PCLO: variants seen among roughly 807,000 people sequenced by gnomAD.
The protein encoded by PCLO is piccolo presynaptic cytomatrix protein.
A neutral mutation model predicts 427.5 loss-of-function variants in PCLO; 82 were observed. That is an observed-to-expected ratio of 0.19 (90% confidence interval 0.16 to 0.23). The LOEUF (loss-of-function observed/expected upper bound fraction) is 0.23. PCLO is among the 10% of genes least tolerant of loss of function. PCLO has a pLI of 1.00. For missense variants in PCLO, 6,239 were observed against 6,115.9 expected (o/e 1.02, Z -0.67); for synonymous variants, 2,357 against 2,155.4 (o/e 1.09, Z -2.59).
intron 12 of PCLO, 80 bp downstream of exon 12, chr7:82,846,487 T>C: frequency 1.2e-6 from 1 of 842,576 alleles, no homozygotes; most frequent in Non-Finnish European, 1.9e-6. Flanking sequence ...TACATCTTCA[T>C]CTACAATTAC....
intron 3 of PCLO, among the ~76,000 whole-genome samples, chr7:82,997,941 C>T (rs1257464128): frequency 3.3e-5 from 5 of 152,098 alleles, no homozygotes; most frequent in African/African-American, 1.2e-4. Context: ...GCGTGGAAGT[C>T]ACTACTTCAT....
intron 3 of PCLO, among the ~76,000 whole-genome samples, chr7:83,076,680 T>C (rs182237145): frequency 6.6e-6 from 1 of 151,180 alleles, no homozygotes; most frequent in Admixed American, 6.6e-5. Flanking sequence ...AGGGTACATG[T>C]GCACAATGTG....
In PCLO at chr7:83,162,854, T is replaced by G. The variant is rs1259111012; in HGVS notation, c.-262A>C. The G allele has an allele frequency of 2.0e-6, 1 of 508,612 alleles. No individual in the cohort carries two copies. The highest frequency in any genetic ancestry group is 2.7e-5 in the South Asian group (1 of 37,234). The allele number at this position is 508,612 out of a possible 1,614,324, so 31.5% of individuals were successfully genotyped here. On this transcript the variant is annotated 5_prime_UTR_variant, in exon 1 of 25. Coordinates refer to ENST00000333891, the MANE Select transcript of PCLO (RefSeq NM_033026.6). ...CAGAAGACACCTCCCGGACGCCGCC[T>G]CGGCGCCCCGAGCCGGGGAGAAGCA...
intron 3 of PCLO, among the ~76,000 whole-genome samples, chr7:83,003,564 T>C (rs561277580): frequency 3.9e-5 from 6 of 152,012 alleles, no homozygotes; most frequent in East Asian, 1.9e-4. Flanking sequence ...TGAAAGAATG[T>C]TGAATTTTAT....
intron 22 of PCLO, among the ~76,000 whole-genome samples, chr7:82,769,165 A>C (rs745694913): frequency 9.9e-5 from 15 of 152,208 alleles, no homozygotes; most frequent in Non-Finnish European, 2.1e-4. Flanking sequence ...TTTGTAACAC[A>C]GTATCAGAAT....
At chr7:82,951,723 T>G in intron 5 of PCLO, 133 bp downstream of exon 5, 2 of 1,339,842 alleles carry the variant, frequency 1.5e-6, no homozygotes, top group Non-Finnish European at 2.0e-6. Context: ...TACTCCAAAA[T>G]ATGCTGCTAT....
intron 9 of PCLO, among the ~76,000 whole-genome samples, chr7:82,898,478 A>T (rs1417386183): frequency 2.0e-5 from 3 of 151,436 alleles, no homozygotes; most frequent in Non-Finnish European, 4.4e-5. Flanking sequence ...TAAACTATTT[A>T]TAAAGTTAGA....
intron 3 of PCLO, among the ~76,000 whole-genome samples, chr7:83,093,492 A>ATATATATATTTTTTTTT: frequency 6.7e-5 from 4 of 59,312 alleles, no homozygotes; most frequent in African/African-American, 2.2e-4. Context: ...ATATATATAT[A>ATATATATATTTTTTTTT]TTTTTTTTTT....
intron 22 of PCLO, among the ~76,000 whole-genome samples, chr7:82,769,659 G>A (rs754478228): frequency 2.0e-5 from 3 of 152,072 alleles, no homozygotes; most frequent in Non-Finnish European, 2.9e-5. Context: ...CCTTGTAAAC[G>A]AAAAGTCTGC....
rs1163447159 is a variant in PCLO, at chr7:82,908,913, C to G, written c.13401G>C (p.Leu4467Phe). ...HGLDRKLPER[L>F]VHSRPLSQHQ... ...GTTGACTGAGTGGTCTAGAGTGGAC[C>G]AATCTTTCCGGCAGTTTTCGGTCCA... The change falls in exon 8 of 25, where the codon TTG (leucine) becomes TTC (phenylalanine). Residue 4467 changes from leucine (L) to phenylalanine (F), a missense_variant. Around this residue, in one of 5 missense-constraint regions of PCLO, gnomAD observed 877 missense variants for 925.5 expected, o/e 0.95. Transcript: ENST00000333891. The G allele has an allele frequency of 1.2e-6, 2 of 1,612,850 alleles. No homozygotes were observed. The highest frequency in any genetic ancestry group is 3.3e-5 in the Admixed American group (2 of 59,930).
chr7:83,155,883 C>G lies in PCLO; in HGVS notation c.758G>C (p.Gly253Ala), dbSNP rs192089664. Residue 253 changes from glycine (G) to alanine (A), a missense_variant, in exon 2 of 25, where the codon GGT becomes GCT. Physicochemically the swap from Gly to Ala is moderately conservative, Grantham distance 60. Around this residue, in one of 5 missense-constraint regions of PCLO, gnomAD observed 4,677 missense variants for 4,468.4 expected, o/e 1.05. Transcript: ENST00000333891. ...QPEKIKSQPP[G>A]TGKPIQGPTQ... ...AGGACCCTGAATTGGCTTTCCTGTA[C>G]CTGGAGGTTGTGATTTAATTTTTTC... 24 of 1,613,806 alleles carry G rather than the reference C, an allele frequency of 1.5e-5. No homozygotes were observed. Among genetic ancestry groups the G allele is most frequent in the Admixed American group, 1.0e-4 (6 of 59,998 alleles).
chr7:82,852,965 C>T (rs2715161), intron 10 of PCLO, among the ~76,000 whole-genome samples: 85,822 of 151,806 alleles, frequency 0.57, 25,221 homozygotes, highest in East Asian at 0.85. Context: ...AGTGAGAACA[C>T]GCAATATTTT....
chr7:82,772,393 G>T (rs1254639674), intron 22 of PCLO, among the ~76,000 whole-genome samples: 3 of 151,992 alleles, frequency 2.0e-5, no homozygotes, highest in Non-Finnish European at 4.4e-5. Context: ...ATTATTGAAA[G>T]CTATGGGGTG....
chr7:82,882,619 T>C (rs1192185978), intron 9 of PCLO, among the ~76,000 whole-genome samples: 1 of 152,120 alleles, frequency 6.6e-6, no homozygotes, highest in Admixed American at 6.5e-5. Flanking sequence ...TAGAGAAGTT[T>C]AAAATTTAGA....
chr7:83,005,505 T>C (rs1448197831), intron 3 of PCLO, among the ~76,000 whole-genome samples: 1 of 151,568 alleles, frequency 6.6e-6, no homozygotes, highest in Non-Finnish European at 1.5e-5. Context: ...TACAGCATGG[T>C]GAGTATAGTT....
intron 3 of PCLO, among the ~76,000 whole-genome samples, chr7:83,024,257 G>A (rs1397968846): frequency 2.0e-5 from 3 of 152,292 alleles, no homozygotes; most frequent in Admixed American, 1.3e-4. Flanking sequence ...CGCACCATGC[G>A]CGAGCCGAAG....
chr7:82,756,401 C>T lies in PCLO; in HGVS notation c.*2174G>A, dbSNP rs1357651001. On this transcript the variant is annotated 3_prime_UTR_variant, in exon 25 of 25. Coordinates refer to ENST00000333891, the MANE Select transcript of PCLO (RefSeq NM_033026.6). ...ATATAATGTCTTTGATGATTCCACT[C>T]TCCCATGCTCATTTGAGAGCAATGT... 5 of 152,008 alleles carry T rather than the reference C, an allele frequency of 3.3e-5. No individual in the cohort carries two copies. The highest frequency in any genetic ancestry group is 7.4e-5 in the Non-Finnish European group (5 of 67,992). The allele number at this position is 152,008 out of a possible 1,614,324, so 9.4% of individuals were successfully genotyped here.
At chr7:82,803,089 C>A (rs1347764614) in intron 21 of PCLO, among the ~76,000 whole-genome samples, 1 of 151,302 alleles carries the variant, frequency 6.6e-6, no homozygotes, top group African/African-American at 2.4e-5. Flanking sequence ...AAGTAACACA[C>A]AAAATTTTAG....
intron 3 of PCLO, among the ~76,000 whole-genome samples, chr7:82,978,547 A>G (rs754395633): frequency 6.6e-6 from 1 of 152,132 alleles, no homozygotes; most frequent in Non-Finnish European, 1.5e-5. Context: ...TTTTGCTCTT[A>G]GAAGAATCAA....
Sources: gnomAD v4.1 joint callset for allele counts (sites outside exome capture counted in the v4.1 genomes callset) on GRCh38, gnomAD v4.1.1 for gene constraint, gnomAD v4.1.1 regional missense constraint, MANE v1.5 for transcripts, NCBI Gene and HGNC (gene_info 2026-07-23, HGNC 2026-07-21) for gene names.